INTS7: variants seen among roughly 807,000 people sequenced by gnomAD.
INTS7 encodes chromosome 1 open reading frame 73.
INTS7 carries 46 observed loss-of-function variants against 109.2 expected under a neutral mutation model. The ratio of observed to expected loss-of-function variants is 0.42; its 90% CI spans 0.33 to 0.54. INTS7 has a LOEUF of 0.54. Ranked by LOEUF, INTS7 falls within the 20% of genes least tolerant of loss-of-function variation. The probability of loss-of-function intolerance (pLI) is 0.07; values close to 1 mark genes in which losing one functional copy is unlikely to be tolerated. For synonymous variants in INTS7, 412 were observed against 402.9 expected (o/e 1.02, Z -0.27); for missense variants, 929 against 1,132.4 (o/e 0.82, Z 2.58).
At chr1:211,955,728 C>T (rs1663332496) in intron 16 of INTS7, among the ~76,000 whole-genome samples, 1 of 152,186 alleles carries the variant, frequency 6.6e-6, no homozygotes, top group Non-Finnish European at 1.5e-5. Flanking sequence ...ATTTAATCTT[C>T]ACAACTACTC....
Position 211,987,819 on chromosome 1 carries a change from C to G in INTS7, c.997+67G>C, listed in dbSNP as rs111914422. 1.1e-4 allele frequency: 97 copies of G among 881,252 alleles called. 1 individual carries two copies. The African/African-American group carries it at 1.5e-3, about 13-fold the overall frequency. 54.6% of individuals were successfully genotyped at this position (881,252 alleles called of 1,614,324 possible). On this transcript the variant is annotated intron_variant, in intron 8 of 19. Transcript: ENST00000366994. Reference sequence around the variant, plus strand: ...GTTAAAGCTTTATAGAAGAAACAACCTGAAACATAAATATGGATAAAGGAG... The same window carrying G: ...GTTAAAGCTTTATAGAAGAAACAACGTGAAACATAAATATGGATAAAGGAG...
At position 212,016,907 on chromosome 1, in the gene INTS7, G is replaced by C. The variant is rs773543348; in HGVS notation, c.488C>G (p.Ala163Gly). The part of the protein sequence containing the change: ...VEVEAAVFAA[A>G]NFSAQSKDFA... Reference sequence around the variant, plus strand: ...TTACTTTGACTGTGCAGAGAAGTTTGCAGCAGCAAAAACAGCAGCTTCAAC... The same window carrying C: ...TTACTTTGACTGTGCAGAGAAGTTTCCAGCAGCAAAAACAGCAGCTTCAAC... Residue 163 changes from alanine (A) to glycine (G), a missense_variant, in exon 4 of 20, where the codon GCA becomes GGA. Ala to Gly is a moderately conservative substitution (Grantham distance 60, BLOSUM62 0). Transcript: ENST00000366994. 6.2e-7 allele frequency: 1 copy of C among 1,607,228 alleles called. No homozygotes were observed. Among genetic ancestry groups the C allele is most frequent in the Non-Finnish European group, 8.5e-7 (1 of 1,177,632 alleles).
At chr1:211,954,559 G>T (rs1475913784) in intron 16 of INTS7, among the ~76,000 whole-genome samples, 2 of 152,162 alleles carry the variant, frequency 1.3e-5, no homozygotes, top group African/African-American at 2.4e-5. Flanking sequence ...AATCCATCTT[G>T]AATTAATTTT....
chr1:211,991,815 A>ATAC lies in INTS7; in HGVS notation c.880-3813_880-3812insGTA, dbSNP rs1665161094. Among the ~76,000 whole-genome samples the ATAC allele has an allele frequency of 4.6e-5, 7 of 152,332 alleles. No individual in the cohort carries two copies. In the East Asian group the frequency reaches 5.8e-4, roughly 13 times the overall value. ...AGAGCCATGGACTCAACTTGGAAGA[A>ATAC]AAAGGGCAGTGAAGAATACAGAGAA... On this transcript the variant is annotated intron_variant, in intron 7 of 19. Coordinates refer to ENST00000366994, the MANE Select transcript of INTS7 (RefSeq NM_015434.4).
At chr1:211,957,981 G>A (rs1184933295) in intron 16 of INTS7, among the ~76,000 whole-genome samples, 6 of 149,348 alleles carry the variant, frequency 4.0e-5, no homozygotes, top group African/African-American at 7.4e-5. Flanking sequence ...ATATCCCCCC[G>A]TTGTCTTATT....
At chr1:212,007,626 T>C (rs1265535358) in intron 5 of INTS7, among the ~76,000 whole-genome samples, 177 bp from the exon 6 acceptor site, 1 of 152,222 alleles carries the variant, frequency 6.6e-6, no homozygotes, top group Non-Finnish European at 1.5e-5. Context: ...TTTTCCTAAG[T>C]ATTTATCTTG....
chr1:211,995,282 T>A (rs1280961133), intron 7 of INTS7, among the ~76,000 whole-genome samples: 1 of 152,042 alleles, frequency 6.6e-6, no homozygotes, highest in East Asian at 1.9e-4. Flanking sequence ...ATGGAAGAAA[T>A]AAGCAAAAAA....
intron 4 of INTS7, among the ~76,000 whole-genome samples, chr1:212,012,578 G>A (rs529503997): frequency 3.9e-5 from 6 of 152,258 alleles, no homozygotes; most frequent in East Asian, 1.9e-4. Context: ...CCATGATTGC[G>A]CCACTGCATT....
chr1:212,016,803 T>C, intron 4 of INTS7, 83 bp downstream of exon 4: 1 of 1,064,024 alleles, frequency 9.4e-7, no homozygotes, highest in Admixed American at 2.4e-5. Flanking sequence ...CTCTCAGTGT[T>C]TATATAAGTT....
intron 16 of INTS7, among the ~76,000 whole-genome samples, chr1:211,955,745 A>G (rs1663333408): frequency 6.6e-6 from 1 of 152,352 alleles, no homozygotes; most frequent in African/African-American, 2.4e-5. Flanking sequence ...ACTCTGGGAA[A>G]CAGGCATCAT....
At chr1:211,957,519 C>G (rs369918715) in intron 16 of INTS7, among the ~76,000 whole-genome samples, 15 of 152,246 alleles carry the variant, frequency 9.9e-5, no homozygotes, top group African/African-American at 3.6e-4. Flanking sequence ...GTACTCCAGC[C>G]TGGGCGACAG....
chr1:211,965,296 A>AACAGAAGTTGGTGAGGTT (rs1663821150), intron 16 of INTS7, among the ~76,000 whole-genome samples: 1 of 152,198 alleles, frequency 6.6e-6, no homozygotes, highest in Admixed American at 6.5e-5. Flanking sequence ...ATCAAAAAAT[A>AACAGAAGTTGGTGAGGTT]ACAGAAGTTG....
chr1:211,997,968 CT>C (rs200710274), intron 7 of INTS7, among the ~76,000 whole-genome samples: 9 of 151,604 alleles, frequency 5.9e-5, no homozygotes, highest in African/African-American at 9.7e-5. Context: ...TCCCAGCAGC[CT>C]TTTTTTTCAT....
chr1:211,949,928 C>G (rs1400872292), intron 17 of INTS7, among the ~76,000 whole-genome samples: 1 of 152,196 alleles, frequency 6.6e-6, no homozygotes, highest in Non-Finnish European at 1.5e-5. Context: ...ACCTGAGATT[C>G]CCAACCCCTT....
chr1:211,946,821 C>CGGTA lies in INTS7; in HGVS notation c.2317-117_2317-116insTACC. 1 of 601,820 alleles carries CGGTA rather than the reference C, an allele frequency of 1.7e-6. No homozygotes were observed. Among genetic ancestry groups the CGGTA allele is most frequent in the Middle Eastern group, 3.4e-4 (1 of 2,918 alleles). 37.3% of individuals were successfully genotyped at this position (601,820 alleles called of 1,614,324 possible). ...TATAGATTATTACAAAGGTACATACCAATCAAGAACTAGGCATCACATCCA... is the reference window on the plus strand; with the variant it reads ...TATAGATTATTACAAAGGTACATACCGGTAAATCAAGAACTAGGCATCACATCCA... On this transcript the variant is annotated intron_variant, in intron 17 of 19. Coordinates refer to ENST00000366994, the MANE Select transcript of INTS7 (RefSeq NM_015434.4). This position sits in a 1 kb window ranked among gnomAD's most constrained non-coding sequence, Gnocchi z 4.3.
At chr1:211,979,415 C>A (rs900181095) in intron 10 of INTS7, among the ~76,000 whole-genome samples, 1 of 152,108 alleles carries the variant, frequency 6.6e-6, no homozygotes, top group Non-Finnish European at 1.5e-5. Flanking sequence ...TTCTCTCTCT[C>A]GGCCTTAAGT....
intron 5 of INTS7, among the ~76,000 whole-genome samples, chr1:212,008,647 G>A (rs1020355593): frequency 6.6e-6 from 1 of 152,078 alleles, no homozygotes; most frequent in African/African-American, 2.4e-5. Context: ...TGCACTAGGA[G>A]GTCTCAGAAG....
At chr1:212,029,026 A>ATAG (rs1667045360) in intron 1 of INTS7, among the ~76,000 whole-genome samples, 1 of 152,226 alleles carries the variant, frequency 6.6e-6, no homozygotes, top group Admixed American at 6.5e-5. Flanking sequence ...AGACATTTAA[A>ATAG]TTAGTGATTA....
intron 6 of INTS7, among the ~76,000 whole-genome samples, chr1:212,007,013 G>A (rs775833634): frequency 1.4e-4 from 21 of 148,368 alleles, no homozygotes; most frequent in Admixed American, 2.0e-4. Flanking sequence ...TTTTTTATAC[G>A]GCCAACTTCA....
Sources: allele counts gnomAD v4.1 joint callset (sites outside exome capture counted in the v4.1 genomes callset), GRCh38; gene constraint gnomAD v4.1.1; non-coding constraint Gnocchi (gnomAD v3.1); transcripts MANE v1.5; gene names NCBI Gene and HGNC (gene_info 2026-07-23, HGNC 2026-07-21).